The following SAMD3 variants were observed in gnomAD, a reference collection of about 807,000 sequenced individuals.
SAMD3 encodes sterile alpha motif domain-containing protein 3.
In SAMD3, 63 loss-of-function variants were observed where a neutral mutation model predicts 58.5. The ratio of observed to expected loss-of-function variants is 1.08; its 90% CI spans 0.88 to 1.33. SAMD3 has a LOEUF of 1.33. SAMD3 is among the 40% of genes most tolerant of loss of function. SAMD3 has a pLI of 0.00. For synonymous variants in SAMD3, 220 were observed against 210.3 expected (o/e 1.05, Z -0.40); for missense variants, 604 against 608.4 (o/e 0.99, Z 0.08).
intron 2 of SAMD3, among the ~76,000 whole-genome samples, chr6:130,282,116 C>T (rs540691913): frequency 1.4e-4 from 19 of 138,546 alleles, no homozygotes; most frequent in African/African-American, 4.5e-4. Context: ...TTAACATATT[C>T]ACACAAGCCA....
intron 5 of SAMD3, among the ~76,000 whole-genome samples, chr6:130,185,363 T>G (rs1313077002): frequency 6.6e-6 from 1 of 152,192 alleles, no homozygotes; most frequent in African/African-American, 2.4e-5. Flanking sequence ...GGAGTCTCAC[T>G]CTGTCGCCAG....
rs146487536 is a variant in SAMD3, at chr6:130,230,919, C to T, written c.-187-8106G>A. On this transcript the variant is annotated intron_variant, in intron 2 of 13. Coordinates refer to the SAMD3 transcript ENST00000368134. ...ACTTACACCTGAAAACTTCTGAGGC[C>T]GCTACCTTTCACCTGGGGGAAGAGT... Among the ~76,000 whole-genome samples, 1,495 of 152,224 alleles carry T rather than the reference C, an allele frequency of 9.8e-3. 16 individuals carry two copies. Among genetic ancestry groups the T allele is most frequent in the Middle Eastern group, 0.027 (8 of 294 alleles).
intron 7 of SAMD3, 143 bp downstream of exon 7, chr6:130,183,956 CAGAT>C (rs754299861): frequency 4.7e-6 from 3 of 640,798 alleles, no homozygotes; most frequent in East Asian, 2.9e-5. Flanking sequence ...AAAACAGAAA[CAGAT>C]AGACCTAGAT....
chr6:130,249,732 T>C (rs1305862535), intron 2 of SAMD3, among the ~76,000 whole-genome samples: 1 of 152,096 alleles, frequency 6.6e-6, no homozygotes, highest in African/African-American at 2.4e-5. Flanking sequence ...CAAAGAATGG[T>C]AGGTTTGAAG....
chr6:130,219,459 A>G (rs1013609558), intron 1 of SAMD3, among the ~76,000 whole-genome samples: 1 of 152,102 alleles, frequency 6.6e-6, no homozygotes, highest in Non-Finnish European at 1.5e-5. Flanking sequence ...ACTGCACCCA[A>G]TTTGTAGTCT....
intron 2 of SAMD3, among the ~76,000 whole-genome samples, chr6:130,264,323 T>A (rs1415637131): frequency 6.6e-6 from 1 of 152,226 alleles, no homozygotes; most frequent in African/African-American, 2.4e-5. Context: ...GTTCACTTCA[T>A]GTCTCTCATG....
At chr6:130,262,625 G>T (rs1366143110) in intron 2 of SAMD3, among the ~76,000 whole-genome samples, 2 of 151,658 alleles carry the variant, frequency 1.3e-5, no homozygotes, top group Non-Finnish European at 2.9e-5. Context: ...TGCAAGAAAT[G>T]TTGTATAATT....
Position 130,146,007 on chromosome 6 carries a change from A to G in SAMD3, c.1195+3T>C. The G allele has an allele frequency of 6.7e-7, 1 of 1,485,076 alleles. No homozygotes were observed. The highest frequency in any genetic ancestry group is 9.0e-7 in the Non-Finnish European group (1 of 1,116,050). The allele number at this position is 1,485,076 out of a possible 1,614,324, so 92.0% of individuals were successfully genotyped here. ...ATCACACCACTCCATAAGGTTTACT[A>G]ACATTTCAACATGTCTTCATCTGTG... On this transcript the variant is annotated splice_donor_region_variant and intron_variant, in intron 10 of 11. Transcript: ENST00000439090.
chr6:130,241,309 G>A (rs929492830), intron 2 of SAMD3, among the ~76,000 whole-genome samples: 4 of 149,226 alleles, frequency 2.7e-5, no homozygotes, highest in Admixed American at 1.4e-4. Flanking sequence ...TCTGCCTCCC[G>A]GGTTCAAGTG....
chr6:130,344,255 T>C (rs187005021), intron 1 of SAMD3, among the ~76,000 whole-genome samples: 109 of 152,360 alleles, frequency 7.2e-4, no homozygotes, highest in Middle Eastern at 6.8e-3. Flanking sequence ...TTCCTACATG[T>C]ATGTCTCTCG....
At chr6:130,225,749 C>T (rs1796368053), upstream of SAMD3, among the ~76,000 whole-genome samples, 1 of 152,148 alleles carries the variant, frequency 6.6e-6, no homozygotes, top group African/African-American at 2.4e-5. Flanking sequence ...TATATTAGGT[C>T]ATCCAAAAAG....
intron 2 of SAMD3, among the ~76,000 whole-genome samples, chr6:130,252,510 G>C (rs1007014088): frequency 6.6e-6 from 1 of 152,132 alleles, no homozygotes; most frequent in Admixed American, 6.6e-5. Flanking sequence ...TAGCTCACTG[G>C]GGGGTGAAAA....
intron 8 of SAMD3, among the ~76,000 whole-genome samples, chr6:130,157,186 T>C (rs1467118757): frequency 6.6e-6 from 1 of 151,928 alleles, no homozygotes; most frequent in East Asian, 1.9e-4. Flanking sequence ...TATACTGCAT[T>C]AATTAACTAA....
intron 8 of SAMD3, among the ~76,000 whole-genome samples, chr6:130,166,210 C>G (rs1031051769): frequency 6.6e-6 from 1 of 152,184 alleles, no homozygotes; most frequent in African/African-American, 2.4e-5. Flanking sequence ...TAAGAGGACT[C>G]CCTCTTCCCC....
chr6:130,156,702 A>G (rs1789814671), intron 8 of SAMD3, among the ~76,000 whole-genome samples: 1 of 152,088 alleles, frequency 6.6e-6, no homozygotes, highest in Non-Finnish European at 1.5e-5. Context: ...TGGGCACAGC[A>G]GCTCACACCC....
At chr6:130,309,378 G>T (rs1776062593) in intron 2 of SAMD3, among the ~76,000 whole-genome samples, 1 of 152,288 alleles carries the variant, frequency 6.6e-6, no homozygotes, top group Middle Eastern at 3.4e-3. Flanking sequence ...ACTTCACAGG[G>T]CTTTTGTGGG....
intron 7 of SAMD3, among the ~76,000 whole-genome samples, chr6:130,181,755 C>T (rs573995186): frequency 1.0e-3 from 153 of 151,886 alleles, no homozygotes; most frequent in Non-Finnish European, 1.7e-3. Context: ...GAAGCAAGGG[C>T]GGGTGGGAAA....
At chr6:130,204,828 C>T (rs1177441840) in intron 5 of SAMD3, among the ~76,000 whole-genome samples, 1 of 140,878 alleles carries the variant, frequency 7.1e-6, no homozygotes, top group Non-Finnish European at 1.5e-5. Context: ...TTTCAGGGAA[C>T]AGAGGAAAAA....
chr6:130,214,241 A>C, intron 4 of SAMD3, 96 bp downstream of exon 4: 1 of 982,246 alleles, frequency 1.0e-6, no homozygotes, highest in Non-Finnish European at 1.4e-6. Flanking sequence ...GAAAACGGTC[A>C]CAGTTTTCCA....
Sources: gnomAD v4.1 joint callset for allele counts (sites outside exome capture counted in the v4.1 genomes callset) on GRCh38, gnomAD v4.1.1 for gene constraint, MANE v1.5 for transcripts, NCBI Gene and HGNC (gene_info 2026-07-23, HGNC 2026-07-21) for gene names.